The following ARHGAP15 variants were observed in gnomAD, a reference collection of about 807,000 sequenced individuals.
ARHGAP15 encodes rho GTPase-activating protein 15.
Under a neutral mutation model 63.7 loss-of-function variants are expected in ARHGAP15, and 51 were observed. That is an observed-to-expected ratio of 0.80 (90% CI 0.64 to 1.01). The LOEUF is 1.01. Among genes scored for constraint, ARHGAP15 ranks in the 50% least tolerant of loss-of-function variants. The pLI is 0.00. For synonymous variants in ARHGAP15, 191 were observed against 193.8 expected (o/e 0.99, Z 0.12); for missense variants, 560 against 564.6 (o/e 0.99, Z 0.08).
chr2:143,731,278 G>A (rs969615117), intron 13 of ARHGAP15, among the ~76,000 whole-genome samples: 5 of 152,154 alleles, frequency 3.3e-5, no homozygotes, highest in African/African-American at 7.2e-5. Flanking sequence ...ATTCTAGGTC[G>A]TTAAATACAG....
chr2:143,716,071 G>A (rs1047978261), intron 13 of ARHGAP15, among the ~76,000 whole-genome samples: 1 of 152,072 alleles, frequency 6.6e-6, no homozygotes, highest in African/African-American at 2.4e-5. Flanking sequence ...TGGCTGTTGG[G>A]CTTAATACAT....
At chr2:143,257,130 G>A (rs1300211779) in intron 6 of ARHGAP15, among the ~76,000 whole-genome samples, 1 of 152,166 alleles carries the variant, frequency 6.6e-6, no homozygotes, top group Non-Finnish European at 1.5e-5. Context: ...TGTTGCCTGG[G>A]TGATCCCGTG....
chr2:143,195,208 G>A (rs9287348), intron 2 of ARHGAP15, among the ~76,000 whole-genome samples: 49,497 of 151,316 alleles, frequency 0.33, 8,203 homozygotes, highest in East Asian at 0.46. Context: ...TTAGGGAAGA[G>A]CCCCCCTCCC....
At chr2:143,739,310 C>T (rs1158349314) in intron 13 of ARHGAP15, among the ~76,000 whole-genome samples, 1 of 152,056 alleles carries the variant, frequency 6.6e-6, no homozygotes, top group Admixed American at 6.6e-5. Flanking sequence ...AGATTCTGGT[C>T]CTCATGGGAA....
At chr2:143,263,907 C>CTTTTTTTTTTTTTTTTTTTTTTTTTT (rs373296096) in intron 6 of ARHGAP15, among the ~76,000 whole-genome samples, 1 of 38,420 alleles carries the variant, frequency 2.6e-5, no homozygotes, top group African/African-American at 6.3e-5. Flanking sequence ...AAGCTGCAGT[C>CTTTTTTTTTTTTTTTTTTTTTTTTTT]TTTTTTTTTT....
intron 11 of ARHGAP15, among the ~76,000 whole-genome samples, chr2:143,576,149 C>T (rs913932409): frequency 1.3e-5 from 2 of 152,148 alleles, no homozygotes; most frequent in African/African-American, 2.4e-5. Flanking sequence ...TTAAAATACT[C>T]ATGGACTAAC....
chr2:143,215,565 A>G (rs1472341928), intron 3 of ARHGAP15, among the ~76,000 whole-genome samples: 1 of 152,078 alleles, frequency 6.6e-6, no homozygotes, highest in Non-Finnish European at 1.5e-5. Context: ...GGTGTGGGCA[A>G]TTCACTAAGA....
intron 13 of ARHGAP15, among the ~76,000 whole-genome samples, chr2:143,734,332 G>A (rs1685663360): frequency 6.6e-6 from 1 of 152,152 alleles, no homozygotes; most frequent in Non-Finnish European, 1.5e-5. Flanking sequence ...CAATTCCTGT[G>A]TCCTGTTGGT....
intron 13 of ARHGAP15, among the ~76,000 whole-genome samples, chr2:143,727,300 T>C (rs1685324605): frequency 6.6e-6 from 1 of 152,216 alleles, no homozygotes; most frequent in Admixed American, 6.5e-5. Context: ...AAGAGTGTTG[T>C]ATTTCAAGTA....
chr2:143,310,795 T>G (rs762193580), intron 6 of ARHGAP15, among the ~76,000 whole-genome samples: 6 of 152,080 alleles, frequency 3.9e-5, no homozygotes, highest in Admixed American at 2.0e-4. Flanking sequence ...TTTGATGTAC[T>G]GTATAATCTA....
At chr2:143,576,904 T>C (rs1696701839) in intron 11 of ARHGAP15, among the ~76,000 whole-genome samples, 2 of 152,172 alleles carry the variant, frequency 1.3e-5, no homozygotes, top group South Asian at 4.1e-4. Context: ...ATTGAAGAAA[T>C]GTCCCAGCCC....
chr2:143,740,805 T>C (rs546643570), intron 13 of ARHGAP15, among the ~76,000 whole-genome samples: 1 of 152,294 alleles, frequency 6.6e-6, no homozygotes, highest in Admixed American at 6.5e-5. Context: ...CTACTCAGCT[T>C]CCAGTTTGAG....
intron 6 of ARHGAP15, among the ~76,000 whole-genome samples, chr2:143,342,450 A>G (rs919235475): frequency 5.9e-5 from 9 of 152,232 alleles, no homozygotes; most frequent in African/African-American, 1.7e-4. Flanking sequence ...TAATGTGAAT[A>G]TGCCATGATC....
chr2:143,142,771 A>G (rs145710045), intron 1 of ARHGAP15, among the ~76,000 whole-genome samples: 31 of 152,236 alleles, frequency 2.0e-4, no homozygotes, highest in African/African-American at 7.0e-4. Flanking sequence ...TAAGTGCACA[A>G]GATGGGGAAA....
At chr2:143,500,411 T>C (rs181934172) in intron 9 of ARHGAP15, among the ~76,000 whole-genome samples, 113 of 152,210 alleles carry the variant, frequency 7.4e-4, no homozygotes, top group African/African-American at 2.5e-3. Flanking sequence ...TGAATCATTG[T>C]GCCTAGCTAG....
intron 6 of ARHGAP15, among the ~76,000 whole-genome samples, chr2:143,415,705 C>T (rs1688645008): frequency 6.6e-6 from 1 of 151,982 alleles, no homozygotes; most frequent in Admixed American, 6.6e-5. Context: ...TTTGTAATTG[C>T]AAAAATGTGG....
At position 143,566,724 on chromosome 2, in the gene ARHGAP15, T is replaced by A. The variant is rs12464419; in HGVS notation, c.1003+10239T>A. On this transcript the variant is annotated intron_variant, in intron 11 of 13. Coordinates refer to ENST00000295095, the MANE Select transcript of ARHGAP15 (RefSeq NM_018460.4). ...CTACTGGAAATGAGTTTCCAGCAGA[T>A]CCCCACAAGATGCCCCCCTTTCCAC... Among the ~76,000 whole-genome samples the A allele has an allele frequency of 3.8e-3, 579 of 152,124 alleles. 4 individuals carry two copies. The highest frequency in any genetic ancestry group is 0.02 in the Middle Eastern group (6 of 294).
At chr2:143,638,245 C>T (rs916152662) in intron 12 of ARHGAP15, among the ~76,000 whole-genome samples, 1 of 143,026 alleles carries the variant, frequency 7.0e-6, no homozygotes, top group African/African-American at 2.5e-5. Flanking sequence ...AGACTTGGAA[C>T]CAACCCAAAT....
chr2:143,661,984 G>T (rs1681823540), intron 12 of ARHGAP15, among the ~76,000 whole-genome samples: 1 of 152,242 alleles, frequency 6.6e-6, no homozygotes, highest in Non-Finnish European at 1.5e-5. Context: ...GCGGCAGCGA[G>T]GCTGGGGGAG....
Sources: allele counts gnomAD v4.1 joint callset (sites outside exome capture counted in the v4.1 genomes callset), GRCh38; gene constraint gnomAD v4.1.1; transcripts MANE v1.5; gene names NCBI Gene and HGNC (gene_info 2026-07-23, HGNC 2026-07-21).